Variants in PPFIA2 observed in about 807,000 individuals in gnomAD.
PPFIA2 encodes liprin-alpha-2.
In PPFIA2, 46 loss-of-function variants were observed where a neutral mutation model predicts 175.5. That is an observed-to-expected ratio of 0.26 (90% CI 0.21 to 0.34). The LOEUF (loss-of-function observed/expected upper bound fraction) is 0.34, where lower values mean the gene tolerates loss of function less well. Ranked by LOEUF, PPFIA2 falls within the 10% of genes least tolerant of loss-of-function variation. PPFIA2 has a pLI of 1.00. For synonymous variants in PPFIA2, 568 were observed against 511.4 expected, an observed-to-expected ratio of 1.11 and a Z score of -1.49; for missense variants, 1,179 against 1,506.1, an observed-to-expected ratio of 0.78 and a Z score of 3.60.
At chr12:81,359,285 A>G (rs1375470287) in intron 15 of PPFIA2, among the ~76,000 whole-genome samples, 2 of 152,048 alleles carry the variant, frequency 1.3e-5, no homozygotes, top group Non-Finnish European at 2.9e-5. Context: ...TGTTTGCAAC[A>G]GCAGAAGACA....
intron 7 of PPFIA2, among the ~76,000 whole-genome samples, chr12:81,436,419 G>T (rs1465158618): frequency 1.4e-5 from 2 of 146,930 alleles, no homozygotes; most frequent in Non-Finnish European, 3.0e-5. Flanking sequence ...TGATTATTCG[G>T]CTCTTAATAA....
intron 4 of PPFIA2, among the ~76,000 whole-genome samples, chr12:81,502,278 G>A (rs1161184230): frequency 6.6e-6 from 1 of 152,122 alleles, no homozygotes; most frequent in Non-Finnish European, 1.5e-5. Context: ...ATATGGAACT[G>A]CAAACTTGCC....
At chr12:81,295,818 T>C (rs2046307571) in intron 23 of PPFIA2, among the ~76,000 whole-genome samples, 1 of 146,134 alleles carries the variant, frequency 6.8e-6, no homozygotes, top group African/African-American at 2.5e-5. Context: ...TGGTGAAACA[T>C]CATAATACTA....
chr12:81,711,439 T>C (rs1250022370), intron 3 of PPFIA2, among the ~76,000 whole-genome samples: 1 of 151,364 alleles, frequency 6.6e-6, no homozygotes, highest in Non-Finnish European at 1.5e-5. Flanking sequence ...AACTAAACTA[T>C]ATGAACTAAT....
intron 3 of PPFIA2, among the ~76,000 whole-genome samples, chr12:81,707,897 T>G (rs1339849454): frequency 2.0e-5 from 3 of 151,256 alleles, no homozygotes; most frequent in Admixed American, 6.6e-5. Flanking sequence ...TTGGAAATCA[T>G]CATTCTCAGT....
At chr12:81,283,608 A>T (rs898916192) in intron 25 of PPFIA2, among the ~76,000 whole-genome samples, 3 of 152,138 alleles carry the variant, frequency 2.0e-5, no homozygotes, top group African/African-American at 7.2e-5. Flanking sequence ...TCAAATAAGG[A>T]TAACACTGAA....
chr12:81,263,785 A>G (rs987371834), intron 30 of PPFIA2, among the ~76,000 whole-genome samples: 1 of 152,204 alleles, frequency 6.6e-6, no homozygotes, highest in African/African-American at 2.4e-5. Flanking sequence ...CATTTAACTC[A>G]CACACTTGAA....
chr12:81,653,944 G>A (rs766319884), intron 4 of PPFIA2, among the ~76,000 whole-genome samples: 3 of 151,964 alleles, frequency 2.0e-5, no homozygotes, highest in African/African-American at 7.2e-5. Context: ...ATATAGATAT[G>A]AGTAAACATA....
intron 5 of PPFIA2, among the ~76,000 whole-genome samples, chr12:81,455,431 T>C (rs904353650): frequency 4.6e-5 from 7 of 152,206 alleles, no homozygotes; most frequent in Admixed American, 2.0e-4. Flanking sequence ...TTTCCAGCCT[T>C]ATTCATATTT....
intron 3 of PPFIA2, among the ~76,000 whole-genome samples, chr12:81,694,216 C>A (rs1358631456): frequency 3.3e-5 from 5 of 152,100 alleles, no homozygotes; most frequent in Non-Finnish European, 5.9e-5. Flanking sequence ...AAAAGGGACC[C>A]AAGTGCTGAT....
intron 3 of PPFIA2, among the ~76,000 whole-genome samples, chr12:81,695,569 C>CT (rs548095807): frequency 6.6e-6 from 1 of 152,088 alleles, no homozygotes; most frequent in African/African-American, 2.4e-5. Context: ...GCCAATTAAA[C>CT]TTTTTTTCTT....
chr12:81,388,166 A>T (rs1354337196), intron 8 of PPFIA2, among the ~76,000 whole-genome samples: 1 of 152,188 alleles, frequency 6.6e-6, no homozygotes, highest in Non-Finnish European at 1.5e-5. Context: ...ACCAACAGGG[A>T]TTCCTTGGAA....
chr12:81,270,737 A>G (rs1003715592), intron 28 of PPFIA2: 41 of 152,224 alleles, frequency 2.7e-4, no homozygotes, highest in African/African-American at 9.2e-4. Context: ...TTTAAGACAC[A>G]CAATCTGTGG....
chr12:81,331,620 G>A (rs934142579), intron 21 of PPFIA2, among the ~76,000 whole-genome samples: 2 of 152,108 alleles, frequency 1.3e-5, no homozygotes, highest in Non-Finnish European at 2.9e-5. Context: ...TGTGTATATT[G>A]CTTTTCATAC....
intron 4 of PPFIA2, among the ~76,000 whole-genome samples, chr12:81,595,924 G>T (rs1328716072): frequency 1.3e-5 from 2 of 152,146 alleles, no homozygotes; most frequent in Non-Finnish European, 2.9e-5. Context: ...TTTTAAGGAA[G>T]TAAGCATTAA....
chr12:81,409,877 G>A (rs2043602085), intron 7 of PPFIA2, among the ~76,000 whole-genome samples: 1 of 152,076 alleles, frequency 6.6e-6, no homozygotes, highest in South Asian at 2.1e-4. Flanking sequence ...ATCAGATTAA[G>A]ATAAAGAAAG....
At chr12:81,336,542 A>C (rs893922605) in intron 21 of PPFIA2, among the ~76,000 whole-genome samples, 2 of 152,192 alleles carry the variant, frequency 1.3e-5, no homozygotes, top group Non-Finnish European at 2.9e-5. Context: ...AATTACTACA[A>C]ACATCTCCTT....
chr12:81,568,015 T>A (rs1469063513), intron 4 of PPFIA2, among the ~76,000 whole-genome samples: 1 of 152,244 alleles, frequency 6.6e-6, no homozygotes. Context: ...CAGGTAGTGA[T>A]AGAATTGCAT....
chr12:81,723,145 T>C (rs2079568152), intron 3 of PPFIA2, among the ~76,000 whole-genome samples: 1 of 151,114 alleles, frequency 6.6e-6, no homozygotes. Context: ...TTCTGTGTTT[T>C]TACCTTGCTG....
Sources: allele counts gnomAD v4.1 joint callset (sites outside exome capture counted in the v4.1 genomes callset), GRCh38; gene constraint gnomAD v4.1.1; transcripts MANE v1.5; gene names NCBI Gene and HGNC (gene_info 2026-07-23, HGNC 2026-07-21).